The following DNM1L variants were observed in gnomAD, a reference collection of about 807,000 sequenced individuals.
DNM1L encodes the protein dynamin-1-like protein.
DNM1L carries 33 observed loss-of-function variants against 92.8 expected under a neutral mutation model. That is an observed-to-expected ratio of 0.36 (90% CI 0.27 to 0.48). DNM1L has a LOEUF of 0.48. Among genes scored for constraint, DNM1L ranks in the 20% least tolerant of loss-of-function variants. The pLI, the probability that DNM1L is intolerant of heterozygous loss-of-function variation, is 0.99. For missense variants in DNM1L, 485 were observed against 888.8 expected (o/e 0.55, Z 5.78); for synonymous variants, 284 against 305.0 (o/e 0.93, Z 0.72).
At chr12:32,724,003 G>T (rs1953944335) in intron 9 of DNM1L, among the ~76,000 whole-genome samples, 1 of 152,106 alleles carries the variant, frequency 6.6e-6, no homozygotes, top group South Asian at 2.1e-4. Flanking sequence ...GTTAAGAGCA[G>T]GAAATCTAGA....
Position 32,732,025 on chromosome 12 carries a change from A to G in DNM1L, c.1446+82A>G, listed in dbSNP as rs932826575. ...GCTTGGCTGCTTTTTAATAAGCATT[A>G]TATGGTTACTTTAGAGTGTAGGCAT... is the stretch of plus-strand genomic sequence containing the variant. On this transcript the variant is annotated intron_variant, in intron 12 of 19. Transcript: ENST00000549701. 20 of 998,308 alleles carry G rather than the reference A, an allele frequency of 2.0e-5. No individual in the cohort carries two copies. The African/African-American group carries it at 2.4e-4, about 12-fold the overall frequency. 61.8% of individuals were successfully genotyped at this position (998,308 alleles called of 1,614,324 possible). A position where few individuals can be genotyped will look rare whatever the true frequency, so the allele number is the denominator to read the frequency against.
chr12:32,709,439 T>C (rs1454153664), intron 4 of DNM1L: 1 of 152,170 alleles, frequency 6.6e-6, no homozygotes, highest in East Asian at 1.9e-4. Flanking sequence ...GAAATGTTTT[T>C]AGTTACACTA....
intron 1 of DNM1L, among the ~76,000 whole-genome samples, chr12:32,700,914 G>A (rs1005645992): frequency 1.3e-5 from 2 of 152,128 alleles, no homozygotes; most frequent in African/African-American, 4.8e-5. Flanking sequence ...GGAAAACAGG[G>A]CTGTTATTTT....
chr12:32,736,187 G>A (rs1180247841), intron 13 of DNM1L, among the ~76,000 whole-genome samples: 2 of 148,204 alleles, frequency 1.3e-5, no homozygotes, highest in African/African-American at 5.0e-5. Context: ...TTCTCCTGCC[G>A]CAGCCTCCTG....
At chr12:32,737,255 T>C in intron 14 of DNM1L, 94 bp downstream of exon 14, 1 of 1,325,772 alleles carries the variant, frequency 7.5e-7, no homozygotes, top group Admixed American at 1.9e-5. Context: ...TTTTTCTTCT[T>C]TTCCTCCCTT....
At chr12:32,681,997 C>A (rs12316386) in intron 1 of DNM1L, among the ~76,000 whole-genome samples, 23,537 of 150,508 alleles carry the variant, frequency 0.16, 1,909 homozygotes, top group Middle Eastern at 0.21. Flanking sequence ...CTGATTCTTC[C>A]AAAAAAAAAT....
intron 19 of DNM1L, among the ~76,000 whole-genome samples, chr12:32,743,094 A>G (rs1164725818): frequency 2.0e-5 from 3 of 150,948 alleles, no homozygotes; most frequent in African/African-American, 7.4e-5. Context: ...ACGGGGTTTC[A>G]CCATGTTAGC....
intron 13 of DNM1L, among the ~76,000 whole-genome samples, chr12:32,735,633 C>G (rs1298168801): frequency 6.6e-6 from 1 of 152,206 alleles, no homozygotes; most frequent in African/African-American, 2.4e-5. Context: ...GTAATCCCAG[C>G]ACTTTGGTAG....
At chr12:32,732,281 T>A (rs149008998) in intron 12 of DNM1L, among the ~76,000 whole-genome samples, 2 of 152,316 alleles carry the variant, frequency 1.3e-5, no homozygotes, top group African/African-American at 2.4e-5. Context: ...ATCTTTAGCC[T>A]CAGTAAACTG....
chr12:32,730,011 G>A (rs1954443318), intron 9 of DNM1L, among the ~76,000 whole-genome samples: 1 of 152,046 alleles, frequency 6.6e-6, no homozygotes, highest in South Asian at 2.1e-4. Flanking sequence ...ATAATACCAG[G>A]GTTTCTAGTT....
At chr12:32,724,826 T>C (rs1276525073) in intron 9 of DNM1L, among the ~76,000 whole-genome samples, 1 of 151,176 alleles carries the variant, frequency 6.6e-6, no homozygotes, top group African/African-American at 2.4e-5. Flanking sequence ...AATGTGAGCT[T>C]TTAATGAGAA....
chr12:32,744,566 G>C lies in DNM1L; in HGVS notation c.*1156G>C, dbSNP rs148183516. On this transcript the variant is annotated 3_prime_UTR_variant, in exon 20 of 20. Transcript: ENST00000549701. ...CCGTCTCTACTAAAAATACAAAATT[G>C]GCCGGGCGTGGTGGCGCATGCCTGT... 2,112 of 204,862 alleles carry C rather than the reference G, an allele frequency of 0.01. 39 individuals carry two copies. The highest frequency in any genetic ancestry group is 0.035 in the African/African-American group (1,478 of 41,928). The allele number at this position is 204,862 out of a possible 1,614,324, so 12.7% of individuals were successfully genotyped here.
intron 6 of DNM1L, 85 bp downstream of exon 6, chr12:32,713,456 A>G (rs1953218104): frequency 7.1e-7 from 1 of 1,412,962 alleles, no homozygotes; most frequent in Non-Finnish European, 1.0e-6. Context: ...CTTTAAAAAC[A>G]GTATCTCTGG....
intron 1 of DNM1L, among the ~76,000 whole-genome samples, chr12:32,680,530 G>GT (rs1951766710): frequency 1.3e-5 from 2 of 151,064 alleles, no homozygotes; most frequent in East Asian, 1.9e-4. Flanking sequence ...TTGTTTGTTT[G>GT]TTTTTTTGGC....
chr12:32,696,935 T>C (rs1023141454), intron 1 of DNM1L, among the ~76,000 whole-genome samples: 2 of 150,592 alleles, frequency 1.3e-5, no homozygotes, highest in African/African-American at 4.9e-5. Context: ...TGGTGTACAC[T>C]TTCTTATCTT....
intron 12 of DNM1L, chr12:32,732,591 T>C (rs763471487): frequency 1.0e-4 from 46 of 455,796 alleles, no homozygotes; most frequent in Non-Finnish European, 1.9e-4. Context: ...TTACTAAGAG[T>C]ACAAAACCAT....
intron 2 of DNM1L, 87 bp downstream of exon 2, chr12:32,701,649 A>G (rs1426085214): frequency 1.6e-6 from 2 of 1,221,526 alleles, no homozygotes; most frequent in East Asian, 4.8e-5. Flanking sequence ...GATAATTAGA[A>G]ATTAGTGACT....
chr12:32,737,895 G>A lies in DNM1L; in HGVS notation c.1627G>A (p.Ala543Thr). 2 of 1,613,922 alleles carry A rather than the reference G, an allele frequency of 1.2e-6. No individual in the cohort carries two copies. Among genetic ancestry groups the A allele is most frequent in the Non-Finnish European group, 8.5e-7 (1 of 1,179,992 alleles). The change falls in exon 15 of 20, where the codon GCC becomes ACC. Residue 543 changes from alanine (A) to threonine (T), a missense_variant. Transcript: ENST00000549701. ...TAAAGTTCCAAGTGCTTTGGCACCTGCCTCCCAGGAGCCCTCCCCCGCTGC... is the reference window on the plus strand; with the variant it reads ...TAAAGTTCCAAGTGCTTTGGCACCTACCTCCCAGGAGCCCTCCCCCGCTGC... ...SSKVPSALAP[A>T]SQEPSPAASA...
At chr12:32,695,700 A>C (rs1952417243) in intron 1 of DNM1L, among the ~76,000 whole-genome samples, 1 of 152,092 alleles carries the variant, frequency 6.6e-6, no homozygotes, top group Non-Finnish European at 1.5e-5. Context: ...GAGCCTGGGA[A>C]GGTTGAGGCT....
Sources: allele counts gnomAD v4.1 joint callset (sites outside exome capture counted in the v4.1 genomes callset), GRCh38; gene constraint gnomAD v4.1.1; transcripts MANE v1.5; gene names NCBI Gene and HGNC (gene_info 2026-07-23, HGNC 2026-07-21).